DES: variants seen among roughly 807,000 people sequenced by gnomAD.
The protein encoded by DES is desmin, also known as cardiomyopathy, dilated 1F (autosomal dominant).
A neutral mutation model predicts 55.1 loss-of-function variants in DES; 34 were observed. The observed-to-expected ratio is 0.62, with a 90% confidence interval of 0.47 to 0.82. The LOEUF is 0.82. Among genes scored for constraint, DES ranks in the 40% least tolerant of loss-of-function variants. DES has a pLI of 0.00. For missense variants in DES, 596 were observed against 645.9 expected (o/e 0.92, Z 0.84); for synonymous variants, 259 against 270.8 (o/e 0.96, Z 0.43).
rs529147348 is a variant in DES at position 219,425,321 on chromosome 2, G to A, written c.1289-342G>A. On this transcript the variant is annotated intron_variant, in intron 7 of 8. Coordinates refer to ENST00000373960, the MANE Select transcript of DES (RefSeq NM_001927.4). ...CAAATGTGTGCAGGGCTCTCCTGGG[G>A]CCTGGGGGTGGAGAGGAACTAGGAG... The A allele has an allele frequency of 8.3e-6, 3 of 360,180 alleles. No individual in the cohort carries two copies. The East Asian group carries it at 1.8e-4, about 22-fold the overall frequency. 22.3% of individuals were successfully genotyped at this position (360,180 alleles called of 1,614,324 possible).
rs1483655001 is a variant in DES, at chr2:219,418,908, C to T, written c.446C>T (p.Thr149Met). The T allele has an allele frequency of 1.1e-5, 17 of 1,562,966 alleles. No individual in the cohort carries two copies. The East Asian group carries it at 3.6e-4, about 33-fold the overall frequency. ...AACCGGCTCAAGGGCCGCGAGCCGA[C>T]GCGAGTGGCCGAGCTCTACGAGGAG... ...EVNRLKGREP[T>M]RVAELYEEEL... The change falls in exon 1 of 9, where the codon ACG becomes ATG. Residue 149 changes from threonine (T) to methionine (M), a missense_variant. By Grantham distance (81) the Thr-to-Met change is moderately conservative. Coordinates refer to ENST00000373960, the MANE Select transcript of DES (RefSeq NM_001927.4).
chr2:219,421,753 G>A (rs1364571321), intron 6 of DES, among the ~76,000 whole-genome samples, 193 bp downstream of exon 6: 25 of 151,568 alleles, frequency 1.6e-4, no homozygotes, highest in Non-Finnish European at 5.9e-5. Context: ...TGCAACCTCC[G>A]CCTCCTGGGT....
At position 219,418,469 on chromosome 2, in the gene DES, C is replaced by T. The variant is rs1954358233; in HGVS notation, c.7C>T (p.Gln3Ter). 1 of 1,595,340 alleles carries T rather than the reference C, an allele frequency of 6.3e-7. No homozygotes were observed. Residue 3 changes from glutamine to a stop codon, truncating the protein, a stop_gained, in exon 1 of 9, where the codon CAG (glutamine) becomes TAG (stop). Coordinates refer to ENST00000373960, the MANE Select transcript of DES (RefSeq NM_001927.4). LOFTEE classifies it high-confidence loss of function. The part of the protein sequence containing the change: MS[Q>*]AYSSSQRVSS... ...CCTCGCCCGCGCCGTCACCATGAGC[C>T]AGGCCTACTCGTCCAGCCAGCGCGT... is the stretch of plus-strand genomic sequence containing the variant.
At position 219,418,674 on chromosome 2, in the gene DES, C is replaced by T. The variant is rs759235186; in HGVS notation, c.212C>T (p.Ala71Val). The change falls in exon 1 of 9, where the codon GCC (alanine) becomes GTC (valine). Residue 71 changes from alanine (A) to valine (V), a missense_variant. Transcript: ENST00000373960. ...GGAGGLGSLR[A>V]SRLGTTRTPS... ...GCCGGGGGCCTGGGGTCGCTGCGGG[C>T]CAGCCGGCTGGGGACCACCCGCACG... 8 of 1,579,578 alleles carry T rather than the reference C, an allele frequency of 5.1e-6. No homozygotes were observed. The highest frequency in any genetic ancestry group is 6.0e-6 in the Non-Finnish European group (7 of 1,163,262).
chr2:219,425,473 C>T, intron 7 of DES, 190 bp from the exon 8 acceptor site: 3 of 626,440 alleles, frequency 4.8e-6, no homozygotes, highest in Non-Finnish European at 8.6e-6. Context: ...GCGCTGGGGA[C>T]TGCAGAACCA....
intron 5 of DES, among the ~76,000 whole-genome samples, 158 bp from the exon 6 acceptor site, chr2:219,421,182 C>G (rs1243243547): frequency 1.3e-5 from 2 of 152,198 alleles, no homozygotes; most frequent in South Asian, 2.1e-4. Flanking sequence ...TCCTTTGTAT[C>G]TATTTTATTC....
chr2:219,422,092 A>G (rs947598730), intron 6 of DES, among the ~76,000 whole-genome samples: 8 of 152,180 alleles, frequency 5.3e-5, no homozygotes, highest in Non-Finnish European at 2.9e-5. Flanking sequence ...TCCCTTATCC[A>G]CCTTCAGAAT....
rs1490911520 is a variant in DES at position 219,420,812 on chromosome 2, C to T, written c.898-16C>T. On this transcript the variant is annotated splice_polypyrimidine_tract_variant and intron_variant, in intron 4 of 8. Transcript: ENST00000373960. This position sits in a 1 kb window ranked among gnomAD's most constrained non-coding sequence, Gnocchi z 6.0. ...CTGCATCCTTCTCATTTTTGGGCCC[C>T]TTTCTCTGCCCTTAGGTGTCAGACC... 3 of 1,613,362 alleles carry T rather than the reference C, an allele frequency of 1.9e-6. No individual in the cohort carries two copies. The highest frequency in any genetic ancestry group is 1.7e-5 in the Admixed American group (1 of 60,006).
In DES at chr2:219,420,895, T is replaced by TGG. The variant is rs1559353082; in HGVS notation, c.966_967dup (p.Glu323GlyfsTer17). On this transcript the variant is annotated frameshift_variant, in exon 5 of 9. Coordinates refer to ENST00000373960, the MANE Select transcript of DES (RefSeq NM_001927.4). LOFTEE classifies it high-confidence loss of function. The surrounding 1 kb of genome is among the most constrained non-coding windows in gnomAD (Gnocchi z 6.0). The stretch of plus-strand genomic sequence containing the variant: ...CTGCGCCAGGCCAAGCAGGAGATGA[T>TGG]GGAATACCGACACCAGATCCAGTCC... 6.2e-7 allele frequency: 1 copy of TGG among 1,613,922 alleles called. No individual in the cohort carries two copies. The highest frequency in any genetic ancestry group is 1.1e-5 in the South Asian group (1 of 91,060).
rs530720644 is a variant in DES at position 219,423,692 on chromosome 2, G to A, written c.1245-85G>A. The A allele has an allele frequency of 5.9e-6, 8 of 1,362,932 alleles. No individual in the cohort carries two copies. In the South Asian group the frequency reaches 9.3e-5, roughly 16 times the overall value. 84.4% of individuals were successfully genotyped at this position (1,362,932 alleles called of 1,614,324 possible). A position where few individuals can be genotyped will look rare whatever the true frequency, so the allele number is the denominator to read the frequency against. ...CTGACCTGGTGATCCGCCCGCCTCG[G>A]CCTTTCAAAGTGCTGGGATTACAGC... On this transcript the variant is annotated intron_variant, in intron 6 of 8. Transcript: ENST00000373960.
At chr2:219,422,463 C>CTTT (rs71040455) in intron 6 of DES, among the ~76,000 whole-genome samples, 3,277 of 103,384 alleles carry the variant, frequency 0.032, 284 homozygotes, top group Non-Finnish European at 0.043. Flanking sequence ...TGTTCTATAT[C>CTTT]TTTTTTTTTT....
At chr2:219,423,724 C>A (rs938458138) in intron 6 of DES, 53 bp from the exon 7 acceptor site, 2 of 1,582,184 alleles carry the variant, frequency 1.3e-6, no homozygotes, top group South Asian at 2.2e-5. Context: ...CAGCTGGGCC[C>A]GGCCGATGGG....
At position 219,426,186 on chromosome 2, in the gene DES, C is replaced by A; in HGVS notation, c.*196C>A. On this transcript the variant is annotated 3_prime_UTR_variant, in exon 9 of 9. Transcript: ENST00000373960. This position sits in a 1 kb window ranked among gnomAD's most constrained non-coding sequence, Gnocchi z 4.5. Reference sequence around the variant, plus strand: ...TCCCTGCCTGGTCACAGGGCATGCCCCGGCCACCTCTGCGGACCCCAGCTG... The same window carrying A: ...TCCCTGCCTGGTCACAGGGCATGCCACGGCCACCTCTGCGGACCCCAGCTG... 1.4e-6 allele frequency: 1 copy of A among 698,754 alleles called. No homozygotes were observed. The highest frequency in any genetic ancestry group is 2.5e-6 in the Non-Finnish European group (1 of 393,792). 43.3% of individuals were successfully genotyped at this position (698,754 alleles called of 1,614,324 possible).
chr2:219,425,606 C>T, intron 7 of DES, 57 bp from the exon 8 acceptor site: 1 of 1,501,096 alleles, frequency 6.7e-7, no homozygotes. Flanking sequence ...CTCCCAGCCC[C>T]TGGTATAGCC....
At chr2:219,421,669 A>ATT (rs374091713) in intron 6 of DES, 109 bp downstream of exon 6, 727 of 822,582 alleles carry the variant, frequency 8.8e-4, no homozygotes, top group Middle Eastern at 1.2e-3. Context: ...CCTGGAAACA[A>ATT]TTTTTTTTTT....
rs1158110985 is a variant in DES, at chr2:219,425,702, A to G, written c.1328A>G (p.Lys443Arg). ...CAAAGGGGTTCTGAGGTCCATACCA[A>G]GAAGACGGTGATGATCAAGACCATC... ...PEQRGSEVHTKKTVMIKTIET... is the reference protein window; with the variant it reads ...PEQRGSEVHTRKTVMIKTIET... Residue 443 changes from lysine (K) to arginine (R), a missense_variant, in exon 8 of 9, where the codon AAG (lysine) becomes AGG (arginine). Lys to Arg is a conservative substitution (Grantham distance 26). Transcript: ENST00000373960. 6.3e-7 allele frequency: 1 copy of G among 1,597,772 alleles called. No individual in the cohort carries two copies. Among genetic ancestry groups the G allele is most frequent in the Admixed American group, 1.7e-5 (1 of 57,524 alleles).
chr2:219,419,999 T>A lies in DES; in HGVS notation c.579-96T>A. On this transcript the variant is annotated intron_variant, in intron 1 of 8. Coordinates refer to ENST00000373960, the MANE Select transcript of DES (RefSeq NM_001927.4). The surrounding 1 kb of genome is among the most constrained non-coding windows in gnomAD (Gnocchi z 4.3). ...ACCCAGCAGCCAGGCCCTCCCGCTCTGTCCTGGACCCACCCCCTGGTCAGC... is the reference window on the plus strand; with the variant it reads ...ACCCAGCAGCCAGGCCCTCCCGCTCAGTCCTGGACCCACCCCCTGGTCAGC... 1 of 1,344,860 alleles carries A rather than the reference T, an allele frequency of 7.4e-7. No individual in the cohort carries two copies. 83.3% of individuals were successfully genotyped at this position (1,344,860 alleles called of 1,614,324 possible).
In DES at chr2:219,420,544, A is replaced by T. The variant is rs147327878; in HGVS notation, c.785A>T (p.Glu262Val). The change falls in exon 4 of 9, where the codon GAG becomes GTG. Residue 262 changes from glutamate to valine, a missense_variant. Coordinates refer to ENST00000373960, the MANE Select transcript of DES (RefSeq NM_001927.4). This position sits in a 1 kb window ranked among gnomAD's most constrained non-coding sequence, Gnocchi z 6.0. ...CTTCAGGAACAGCAGGTCCAGGTGG[A>T]GATGGACATGTCTAAGCCAGACCTC... is the stretch of plus-strand genomic sequence containing the variant. ...AQLQEQQVQVEMDMSKPDLTA... is the reference protein window; with the variant it reads ...AQLQEQQVQVVMDMSKPDLTA... 228 of 1,613,916 alleles carry T rather than the reference A, an allele frequency of 1.4e-4. No homozygotes were observed. The African/African-American group carries it at 2.5e-3, about 18-fold the overall frequency.
At chr2:219,423,441 CTTT>C (rs537614128) in intron 6 of DES, among the ~76,000 whole-genome samples, 7 of 133,500 alleles carry the variant, frequency 5.2e-5, no homozygotes, top group Admixed American at 1.5e-4. Flanking sequence ...TGGGAGGGTT[CTTT>C]TTTTTTTTTT....
Sources: allele counts gnomAD v4.1 joint callset (sites outside exome capture counted in the v4.1 genomes callset), GRCh38; gene constraint gnomAD v4.1.1; non-coding constraint Gnocchi (gnomAD v3.1); transcripts MANE v1.5; gene names NCBI Gene and HGNC (gene_info 2026-07-23, HGNC 2026-07-21).